Variants in BCAT1 observed in about 807,000 individuals in gnomAD.
BCAT1 encodes branched-chain-amino-acid aminotransferase, cytosolic.
In BCAT1, 48 loss-of-function variants were observed where a neutral mutation model predicts 52.4. The observed-to-expected ratio is 0.92, with a 90% CI of 0.73 to 1.16. BCAT1 has a LOEUF of 1.16. BCAT1 is among the 50% of genes most tolerant of loss of function. BCAT1 has a pLI of 0.00. For missense variants in BCAT1, 451 were observed against 457.1 expected (o/e 0.99, Z 0.12); for synonymous variants, 167 against 161.3 (o/e 1.04, Z -0.27).
At chr12:24,881,193 GT>G in intron 4 of BCAT1, 107 bp downstream of exon 4, 1 of 802,176 alleles carries the variant, frequency 1.2e-6, no homozygotes, top group Non-Finnish European at 2.0e-6. Flanking sequence ...TGTTCATATG[GT>G]TTGTACTGAA....
intron 1 of BCAT1, among the ~76,000 whole-genome samples, chr12:24,927,005 AC>A (rs1770071472): frequency 3.3e-5 from 5 of 152,128 alleles, no homozygotes; most frequent in Admixed American, 3.3e-4. Flanking sequence ...CTTGTATGTT[AC>A]ATGTGGGACA....
At chr12:24,867,315 T>C (rs1375154184) in intron 5 of BCAT1, among the ~76,000 whole-genome samples, 2 of 151,016 alleles carry the variant, frequency 1.3e-5, no homozygotes, top group Non-Finnish European at 2.9e-5. Context: ...TACGCTACCA[T>C]GTTTTACAGA....
chr12:24,815,075 A>T lies in BCAT1; in HGVS notation c.*2933T>A, dbSNP rs1939829711. The stretch of plus-strand genomic sequence containing the variant: ...TCACGAGTTGAATCCTTAATAAATG[A>T]CTGCCACAAAGAAAATTTCTAACAG... On this transcript the variant is annotated 3_prime_UTR_variant, in exon 11 of 11. Coordinates refer to ENST00000261192, the MANE Select transcript of BCAT1 (RefSeq NM_005504.7). 6.6e-6 allele frequency: 1 copy of T among 152,144 alleles called. No homozygotes were observed. The highest frequency in any genetic ancestry group is 2.4e-5 in the African/African-American group (1 of 41,446). 9.4% of individuals were successfully genotyped at this position (152,144 alleles called of 1,614,324 possible).
At position 24,829,878 on chromosome 12, in the gene BCAT1, A is replaced by G. The variant is rs1001440111; in HGVS notation, c.1064T>C (p.Met355Thr). 2 of 1,610,710 alleles carry G rather than the reference A, an allele frequency of 1.2e-6. No individual in the cohort carries two copies. The change falls in exon 10 of 11, where the codon ATG (methionine) becomes ACG (threonine). Residue 355 changes from methionine (M) to threonine (T), a missense_variant. Met to Thr is a moderately conservative substitution (Grantham distance 81). Transcript: ENST00000261192. ...YKGETIHIPTMENGPKLASRI... is the reference protein window; with the variant it reads ...YKGETIHIPTTENGPKLASRI... Reference sequence around the variant, plus strand: ...GCTTGCCAGCTTAGGACCATTCTCCATAGTTGGAATGTGTATTGTCTACAA... The same window carrying G: ...GCTTGCCAGCTTAGGACCATTCTCCGTAGTTGGAATGTGTATTGTCTACAA...
intron 3 of BCAT1, among the ~76,000 whole-genome samples, chr12:24,891,874 A>G (rs932277582): frequency 6.6e-6 from 1 of 150,880 alleles, no homozygotes; most frequent in Non-Finnish European, 1.5e-5. Flanking sequence ...TCAGCCTCCT[A>G]AGTAGCTTGG....
intron 6 of BCAT1, among the ~76,000 whole-genome samples, chr12:24,843,829 T>C (rs1941251470): frequency 6.6e-6 from 1 of 152,130 alleles, no homozygotes; most frequent in Non-Finnish European, 1.5e-5. Flanking sequence ...GACAGTCACA[T>C]GATTCCTTTT....
intron 1 of BCAT1, chr12:24,945,822 A>C (rs1332038303): frequency 6.6e-6 from 1 of 151,948 alleles, no homozygotes; most frequent in Non-Finnish European, 1.5e-5. Flanking sequence ...AGATTCTGTC[A>C]AAAAAAAGAA....
Position 24,878,576 on chromosome 12 carries a change from G to C in BCAT1, c.464C>G (p.Ser155Ter), listed in dbSNP as rs905241578. Residue 155 changes from serine to a stop codon, truncating the protein, a stop_gained, in exon 5 of 11, where the codon TCA (serine) becomes TGA (stop). Transcript: ENST00000261192. LOFTEE classifies it high-confidence loss of function. The stretch of plus-strand genomic sequence containing the variant: ...ACGAATATACAGACTAGCAGATGTT[G>C]AATATGGGACCCATTCTTGATCCAA... ...VKLDQEWVPY[S>*]TSASLYIRPT... 6.2e-7 allele frequency: 1 copy of C among 1,611,798 alleles called. No individual in the cohort carries two copies. The highest frequency in any genetic ancestry group is 1.7e-5 in the Admixed American group (1 of 59,898).
intron 5 of BCAT1, among the ~76,000 whole-genome samples, chr12:24,866,176 G>A (rs897750325): frequency 2.6e-5 from 4 of 152,186 alleles, no homozygotes; most frequent in Admixed American, 6.5e-5. Flanking sequence ...CGGAGCGACC[G>A]GCTGGCCCTG....
intron 6 of BCAT1, among the ~76,000 whole-genome samples, chr12:24,845,250 T>C (rs1591801454): frequency 6.7e-6 from 1 of 149,086 alleles, no homozygotes; most frequent in Admixed American, 6.7e-5. Context: ...TAAAAGACGC[T>C]TAAAACATAT....
intron 6 of BCAT1, among the ~76,000 whole-genome samples, chr12:24,847,610 A>G (rs1419629476): frequency 6.6e-6 from 1 of 152,164 alleles, no homozygotes; most frequent in African/African-American, 2.4e-5. Context: ...AGAGAGAGAA[A>G]AAGAGAGAAA....
chr12:24,825,010 C>T (rs532351916), intron 10 of BCAT1, among the ~76,000 whole-genome samples: 4 of 152,134 alleles, frequency 2.6e-5, no homozygotes, highest in South Asian at 2.1e-4. Flanking sequence ...GTTTGTCTTT[C>T]GGTCCCTCGC....
chr12:24,881,478 A>G, intron 3 of BCAT1, 67 bp from the exon 4 acceptor site: 2 of 1,016,894 alleles, frequency 2.0e-6, no homozygotes, highest in East Asian at 4.8e-5. Flanking sequence ...CAAGAGACTG[A>G]CTTTCCTATG....
chr12:24,906,526 T>C (rs1245271395), intron 1 of BCAT1, among the ~76,000 whole-genome samples: 1 of 152,120 alleles, frequency 6.6e-6, no homozygotes, highest in East Asian at 1.9e-4. Context: ...CGCTGTAAAA[T>C]GAGACAATAG....
chr12:24,816,359 C>T lies in BCAT1; in HGVS notation c.*1649G>A. The T allele has an allele frequency of 2.5e-6, 1 of 395,602 alleles. No homozygotes were observed. The highest frequency in any genetic ancestry group is 4.5e-6 in the Non-Finnish European group (1 of 224,626). 24.5% of individuals were successfully genotyped at this position (395,602 alleles called of 1,614,324 possible). On this transcript the variant is annotated 3_prime_UTR_variant, in exon 11 of 11. Coordinates refer to ENST00000261192, the MANE Select transcript of BCAT1 (RefSeq NM_005504.7). ...ATGAGGACTGAGGGAAACCAAAATA[C>T]AATGTCTGAGAGTTGACCTTCCAAG...
chr12:24,861,643 G>A (rs74071956), intron 5 of BCAT1, among the ~76,000 whole-genome samples: 6,480 of 152,210 alleles, frequency 0.043, 444 homozygotes, highest in African/African-American at 0.15. Flanking sequence ...TGCAAATTTT[G>A]GGATTAAGGG....
chr12:24,866,166 C>G (rs900344265), intron 5 of BCAT1, among the ~76,000 whole-genome samples: 1 of 152,200 alleles, frequency 6.6e-6, no homozygotes, highest in Non-Finnish European at 1.5e-5. Context: ...GCCCCACATT[C>G]GGAGCGACCG....
intron 2 of BCAT1, among the ~76,000 whole-genome samples, chr12:24,901,278 G>C (rs183251819): frequency 6.6e-6 from 1 of 152,330 alleles, no homozygotes; most frequent in African/African-American, 2.4e-5. Flanking sequence ...ACCTCCACGA[G>C]GAGGGAGGGT....
rs942926738 is a variant in BCAT1 at position 24,810,682 on chromosome 12, T to G, written c.*7326A>C. ...GAATAAAGGCCAATATTTTCACAGG[T>G]TGACAGGGTCTGGAGAAGTGGGTCA... On this transcript the variant is annotated 3_prime_UTR_variant, in exon 11 of 11. Transcript: ENST00000261192. 1 of 152,208 alleles carries G rather than the reference T, an allele frequency of 6.6e-6. No homozygotes were observed. The highest frequency in any genetic ancestry group is 1.5e-5 in the Non-Finnish European group (1 of 68,048). The allele number at this position is 152,208 out of a possible 1,614,324, so 9.4% of individuals were successfully genotyped here.
Sources: gnomAD v4.1 joint callset for allele counts (sites outside exome capture counted in the v4.1 genomes callset) on GRCh38, gnomAD v4.1.1 for gene constraint, MANE v1.5 for transcripts, NCBI Gene and HGNC (gene_info 2026-07-23, HGNC 2026-07-21) for gene names.